The following SEMA3A variants were observed in gnomAD, a reference collection of about 807,000 sequenced individuals.
The protein encoded by SEMA3A is semaphorin 3A.
SEMA3A carries 29 observed loss-of-function variants against 97.9 expected under a neutral mutation model. That is an observed-to-expected ratio of 0.30 (90% CI 0.22 to 0.40). The LOEUF (loss-of-function observed/expected upper bound fraction) is 0.40, where lower values mean the gene tolerates loss of function less well. Ranked by LOEUF, SEMA3A falls within the 10% of genes least tolerant of loss-of-function variation. The pLI, the probability that SEMA3A is intolerant of heterozygous loss-of-function variation, is 1.00. For missense variants in SEMA3A, 763 were observed against 951.3 expected, an observed-to-expected ratio of 0.80 and a Z score of 2.60; for synonymous variants, 321 against 323.7, an observed-to-expected ratio of 0.99 and a Z score of 0.09.
intron 3 of SEMA3A, among the ~76,000 whole-genome samples, chr7:84,305,155 C>G (rs549154139): frequency 6.6e-6 from 1 of 150,744 alleles, no homozygotes; most frequent in Non-Finnish European, 1.5e-5. Context: ...AATATACTGT[C>G]TACGCTTTTA....
intron 3 of SEMA3A, among the ~76,000 whole-genome samples, chr7:84,128,470 T>A: frequency 6.6e-6 from 1 of 152,180 alleles, no homozygotes; most frequent in East Asian, 1.9e-4. Flanking sequence ...TTATTGAATA[T>A]AAGTATGTAT....
chr7:84,391,392 C>G (rs1301541722), intron 1 of SEMA3A, among the ~76,000 whole-genome samples: 1 of 152,064 alleles, frequency 6.6e-6, no homozygotes, highest in African/African-American at 2.4e-5. Context: ...ATGCTTGCAT[C>G]AATGTGAAGA....
At chr7:84,091,445 C>A (rs535804687) in intron 4 of SEMA3A, among the ~76,000 whole-genome samples, 1 of 151,902 alleles carries the variant, frequency 6.6e-6, no homozygotes. Context: ...TCACATCTAA[C>A]ATAAAGAGTA....
intron 1 of SEMA3A, among the ~76,000 whole-genome samples, chr7:84,388,231 C>A (rs943425432): frequency 2.6e-5 from 4 of 151,914 alleles, no homozygotes; most frequent in Non-Finnish European, 5.9e-5. Context: ...TAAGCTTTTG[C>A]AAGACATTTA....
chr7:84,372,310 C>T (rs1307062548), intron 1 of SEMA3A: 1 of 152,122 alleles, frequency 6.6e-6, no homozygotes, highest in Non-Finnish European at 1.5e-5. Flanking sequence ...CCTTTAATTT[C>T]CGGTTAACTC....
At chr7:84,018,153 T>G (rs1232203040) in intron 6 of SEMA3A, among the ~76,000 whole-genome samples, 2 of 152,188 alleles carry the variant, frequency 1.3e-5, no homozygotes, top group Non-Finnish European at 2.9e-5. Flanking sequence ...AAAGATGGTG[T>G]TGTTACCTGC....
At chr7:84,210,382 A>G (rs1798598716) in intron 3 of SEMA3A, among the ~76,000 whole-genome samples, 1 of 152,182 alleles carries the variant, frequency 6.6e-6, no homozygotes, top group Non-Finnish European at 1.5e-5. Context: ...GCAGGTGAAG[A>G]AAAATGGAAG....
At chr7:84,040,203 G>C (rs1431160568) in intron 6 of SEMA3A, among the ~76,000 whole-genome samples, 1 of 148,290 alleles carries the variant, frequency 6.7e-6, no homozygotes, top group Non-Finnish European at 1.5e-5. Context: ...CACTCAGAGT[G>C]ATTAGGGTAT....
At chr7:84,426,611 T>C (rs1048666761) in intron 1 of SEMA3A, among the ~76,000 whole-genome samples, 2 of 152,138 alleles carry the variant, frequency 1.3e-5, no homozygotes, top group Non-Finnish European at 2.9e-5. Flanking sequence ...ACTCCTACCA[T>C]TAATTCATGA....
intron 1 of SEMA3A, among the ~76,000 whole-genome samples, chr7:84,165,531 G>C (rs1011463722): frequency 2.6e-5 from 4 of 152,120 alleles, no homozygotes; most frequent in Admixed American, 1.3e-4. Context: ...GAGTTCACTT[G>C]TAGCATAGCT....
intron 1 of SEMA3A, among the ~76,000 whole-genome samples, chr7:84,394,679 A>AT (rs1480750612): frequency 2.6e-5 from 4 of 152,146 alleles, no homozygotes; most frequent in African/African-American, 9.6e-5. Flanking sequence ...GAAAAGCAAT[A>AT]TTCATATACA....
chr7:84,139,656 G>GA (rs1392703094), intron 1 of SEMA3A, among the ~76,000 whole-genome samples: 1 of 152,058 alleles, frequency 6.6e-6, no homozygotes, highest in African/African-American at 2.4e-5. Context: ...TTGCGGGGCA[G>GA]AAAAAATCAA....
intron 2 of SEMA3A, among the ~76,000 whole-genome samples, chr7:84,337,102 T>C (rs1279792787): frequency 6.6e-6 from 1 of 152,146 alleles, no homozygotes; most frequent in African/African-American, 2.4e-5. Context: ...TTAACTCACC[T>C]GCAAAACAGA....
intron 3 of SEMA3A, among the ~76,000 whole-genome samples, chr7:84,126,887 T>A (rs1011569251): frequency 6.6e-6 from 1 of 152,196 alleles, no homozygotes; most frequent in Admixed American, 6.5e-5. Context: ...CATGAGTCAG[T>A]AGGGGTATCA....
At chr7:84,285,777 G>GA (rs1452747857) in intron 3 of SEMA3A, among the ~76,000 whole-genome samples, 2 of 151,712 alleles carry the variant, frequency 1.3e-5, no homozygotes, top group East Asian at 3.9e-4. Flanking sequence ...CTAGTCTCTA[G>GA]AAAAAACACA....
chr7:84,213,005 C>T (rs1190038402), intron 3 of SEMA3A, among the ~76,000 whole-genome samples: 1 of 151,992 alleles, frequency 6.6e-6, no homozygotes, highest in Non-Finnish European at 1.5e-5. Flanking sequence ...CTCTTGTTGC[C>T]CAGGCTGGAG....
chr7:84,388,295 A>C (rs1294216519), intron 1 of SEMA3A, among the ~76,000 whole-genome samples: 4 of 152,080 alleles, frequency 2.6e-5, no homozygotes, highest in African/African-American at 9.7e-5. Flanking sequence ...TTGGTAGTTA[A>C]GTAACCATAA....
intron 1 of SEMA3A, among the ~76,000 whole-genome samples, chr7:84,453,702 G>A (rs534041272): frequency 1.2e-4 from 19 of 152,132 alleles, no homozygotes; most frequent in African/African-American, 3.4e-4. Flanking sequence ...ATATTCTATC[G>A]TGTACATTAT....
chr7:84,487,971 T>C (rs1348156418), intron 1 of SEMA3A, among the ~76,000 whole-genome samples: 1 of 152,122 alleles, frequency 6.6e-6, no homozygotes, highest in Non-Finnish European at 1.5e-5. Flanking sequence ...TTCATTCCAT[T>C]TGTCTTGCGT....
Sources: gnomAD v4.1 joint callset for allele counts (sites outside exome capture counted in the v4.1 genomes callset) on GRCh38, gnomAD v4.1.1 for gene constraint, MANE v1.5 for transcripts, NCBI Gene and HGNC (gene_info 2026-07-23, HGNC 2026-07-21) for gene names.